LARP4: variants seen among roughly 807,000 people sequenced by gnomAD.
The protein encoded by LARP4 is La ribonucleoprotein 4.
LARP4 carries 29 observed loss-of-function variants against 92.9 expected under a neutral mutation model. That is an observed-to-expected ratio of 0.31 (90% CI 0.23 to 0.43). The LOEUF (loss-of-function observed/expected upper bound fraction) is 0.43. Ranked by LOEUF, LARP4 falls within the 20% of genes least tolerant of loss-of-function variation. LARP4 has a pLI of 1.00. For missense variants in LARP4, 732 were observed against 860.0 expected (o/e 0.85, Z 1.86); for synonymous variants, 279 against 284.1 (o/e 0.98, Z 0.18).
At position 50,441,582 on chromosome 12, in the gene LARP4, G is replaced by A. The variant is rs973730304; in HGVS notation, c.751-8G>A. 17 of 1,580,338 alleles carry A rather than the reference G, an allele frequency of 1.1e-5. No individual in the cohort carries two copies. Among genetic ancestry groups the A allele is most frequent in the Admixed American group, 1.9e-5 (1 of 51,376 alleles). On this transcript the variant is annotated splice_region_variant and splice_polypyrimidine_tract_variant and intron_variant, in intron 7 of 15. Transcript: ENST00000398473. The stretch of plus-strand genomic sequence containing the variant: ...CTAATGAAAGTTTTTTTTGTGCTTT[G>A]TTAACAGGCTTTTAAATACTTAAGA...
At chr12:50,414,468 T>G (rs920884959) in intron 1 of LARP4, among the ~76,000 whole-genome samples, 2 of 152,198 alleles carry the variant, frequency 1.3e-5, no homozygotes, top group African/African-American at 4.8e-5. Flanking sequence ...CATGCCTGGC[T>G]AATTCTTGTG....
chr12:50,454,631 A>G (rs1008250936), intron 10 of LARP4: 1 of 386,204 alleles, frequency 2.6e-6, no homozygotes, highest in African/African-American at 2.1e-5. Flanking sequence ...CTTGGGATTC[A>G]GATTTTTTTT....
Position 50,479,201 on chromosome 12 carries a change from T to A in LARP4, c.*3337T>A, listed in dbSNP as rs1169086795. On this transcript the variant is annotated 3_prime_UTR_variant, in exon 16 of 16. Transcript: ENST00000398473. Reference sequence around the variant, plus strand: ...GGCTTAAATGTCCACTGGTTTTACTTTGACACAGTTGAACAACACTGGGGT... The same window carrying A: ...GGCTTAAATGTCCACTGGTTTTACTATGACACAGTTGAACAACACTGGGGT... 6.6e-6 allele frequency: 1 copy of A among 152,610 alleles called. No homozygotes were observed. The highest frequency in any genetic ancestry group is 1.5e-5 in the Non-Finnish European group (1 of 68,024). 9.5% of individuals were successfully genotyped at this position (152,610 alleles called of 1,614,324 possible). A position where few individuals can be genotyped will look rare whatever the true frequency, so the allele number is the denominator to read the frequency against.
intron 1 of LARP4, among the ~76,000 whole-genome samples, chr12:50,409,538 A>G (rs967236678): frequency 1.3e-5 from 2 of 152,234 alleles, no homozygotes; most frequent in Admixed American, 1.3e-4. Flanking sequence ...AGGCTGGTGG[A>G]TCACTTGAGG....
chr12:50,443,484 C>G (rs1274467911), intron 8 of LARP4, among the ~76,000 whole-genome samples: 3 of 152,070 alleles, frequency 2.0e-5, no homozygotes, highest in African/African-American at 7.2e-5. Context: ...CTAGGCTGGT[C>G]TCAAACTCTT....
chr12:50,430,527 C>G lies in LARP4; in HGVS notation c.355C>G (p.Leu119Val). The G allele has an allele frequency of 1.9e-6, 3 of 1,608,048 alleles. No individual in the cohort carries two copies. The highest frequency in any genetic ancestry group is 2.6e-6 in the Non-Finnish European group (3 of 1,176,148). ...CAATTCAGCAGTTTCTACAGAAGACCTAAAAGAATGTCTGAAGAAACAATT... is the reference window on the plus strand; with the variant it reads ...CAATTCAGCAGTTTCTACAGAAGACGTAAAAGAATGTCTGAAGAAACAATT... ...ESNSAVSTED[L>V]KECLKKQLEF... is the part of the protein sequence containing the mutation. Residue 119 changes from leucine (L) to valine (V), a missense_variant, in exon 4 of 16, where the codon CTA becomes GTA. Around this residue, in one of 7 missense-constraint regions of LARP4, gnomAD observed 236 missense variants for 307.6 expected, o/e 0.77. Coordinates refer to ENST00000398473, the MANE Select transcript of LARP4 (RefSeq NM_052879.5).
Position 50,475,818 on chromosome 12 carries a change from G to C in LARP4, c.2129G>C (p.Arg710Pro). 1 of 1,614,052 alleles carries C rather than the reference G, an allele frequency of 6.2e-7. No homozygotes were observed. The highest frequency in any genetic ancestry group is 1.3e-5 in the African/African-American group (1 of 75,004). Reference protein sequence around the residue: ...SHRAIPQGVTRRNGKEQYVPP... With the variant: ...SHRAIPQGVTPRNGKEQYVPP... ...AGGGCTATACCTCAGGGAGTGACTC[G>C]ACGTAATGGCAAAGAGCAATATGTG... is the stretch of plus-strand genomic sequence containing the variant. Residue 710 changes from arginine to proline, a missense_variant, in exon 16 of 16, where the codon CGA becomes CCA. Arg to Pro is a moderately radical substitution (Grantham distance 103). Coordinates refer to ENST00000398473, the MANE Select transcript of LARP4 (RefSeq NM_052879.5).
At chr12:50,448,615 A>G (rs149586429) in intron 8 of LARP4, among the ~76,000 whole-genome samples, 3 of 152,020 alleles carry the variant, frequency 2.0e-5, no homozygotes, top group East Asian at 3.9e-4. Context: ...CCTCTGCCCC[A>G]CTGGGTTCAA....
intron 12 of LARP4, 144 bp from the exon 13 acceptor site, chr12:50,466,815 C>A: frequency 4.5e-6 from 3 of 663,286 alleles, no homozygotes; most frequent in Non-Finnish European, 4.9e-6. Context: ...GATGTCAAAC[C>A]AAGAATTTAT....
intron 1 of LARP4, among the ~76,000 whole-genome samples, chr12:50,426,646 T>C (rs1375341041): frequency 8.0e-5 from 12 of 150,330 alleles, no homozygotes; most frequent in African/African-American, 1.7e-4. Flanking sequence ...TCTCAAGATA[T>C]GAATGAACCT....
chr12:50,465,140 G>A (rs906603758), intron 12 of LARP4, among the ~76,000 whole-genome samples: 2 of 152,038 alleles, frequency 1.3e-5, no homozygotes, highest in Admixed American at 1.3e-4. Flanking sequence ...GGGAGGCCCC[G>A]GTGGGTGCAT....
chr12:50,428,644 A>G (rs1267822118), intron 2 of LARP4, among the ~76,000 whole-genome samples: 1 of 152,220 alleles, frequency 6.6e-6, no homozygotes, highest in Non-Finnish European at 1.5e-5. Flanking sequence ...AACAGAAGCA[A>G]TCTTAATTAC....
At chr12:50,475,462 T>C in intron 15 of LARP4, 64 bp from the exon 16 acceptor site, 1 of 1,359,402 alleles carries the variant, frequency 7.4e-7, no homozygotes, top group East Asian at 2.3e-5. Flanking sequence ...AACACAATCA[T>C]TTTTATACTT....
chr12:50,461,104 C>G, intron 10 of LARP4, 31 bp from the exon 11 acceptor site: 1 of 1,557,880 alleles, frequency 6.4e-7, no homozygotes, highest in Non-Finnish European at 8.9e-7. Context: ...CGATTTACTG[C>G]TTTGTGTATA....
intron 14 of LARP4, 59 bp from the exon 15 acceptor site, chr12:50,473,940 G>T: frequency 7.0e-7 from 1 of 1,435,956 alleles, no homozygotes; most frequent in Non-Finnish European, 9.6e-7. Context: ...CTTCTGATTA[G>T]TTGCTCAACT....
intron 1 of LARP4, among the ~76,000 whole-genome samples, chr12:50,413,384 T>C (rs1299370997): frequency 6.6e-6 from 1 of 152,168 alleles, no homozygotes; most frequent in African/African-American, 2.4e-5. Flanking sequence ...GATACTATCA[T>C]ACACAACTGA....
At position 50,477,759 on chromosome 12, in the gene LARP4, G is replaced by A. The variant is rs1957634020; in HGVS notation, c.*1895G>A. 1 of 152,308 alleles carries A rather than the reference G, an allele frequency of 6.6e-6. No individual in the cohort carries two copies. Among genetic ancestry groups the A allele is most frequent in the South Asian group, 2.1e-4 (1 of 4,818 alleles). The allele number at this position is 152,308 out of a possible 1,614,324, so 9.4% of individuals were successfully genotyped here. A position where few individuals can be genotyped will look rare whatever the true frequency, so the allele number is the denominator to read the frequency against. On this transcript the variant is annotated 3_prime_UTR_variant, in exon 16 of 16. Coordinates refer to ENST00000398473, the MANE Select transcript of LARP4 (RefSeq NM_052879.5). Reference sequence around the variant, plus strand: ...TTTCTACACACTATTTTTAAAAATTGCCTACTAGGTGAAACATAACAATAA... The same window carrying A: ...TTTCTACACACTATTTTTAAAAATTACCTACTAGGTGAAACATAACAATAA...
intron 8 of LARP4, among the ~76,000 whole-genome samples, chr12:50,450,565 A>G (rs1040738801): frequency 4.0e-5 from 6 of 151,884 alleles, no homozygotes; most frequent in Non-Finnish European, 8.8e-5. Context: ...TTCCCATATG[A>G]AAATCTCGGA....
chr12:50,406,166 T>C (rs1023281862), intron 1 of LARP4, among the ~76,000 whole-genome samples: 1 of 152,186 alleles, frequency 6.6e-6, no homozygotes, highest in East Asian at 1.9e-4. Context: ...TAATAACTCT[T>C]AAATAATTAA....
Sources: gnomAD v4.1 joint callset for allele counts (sites outside exome capture counted in the v4.1 genomes callset) on GRCh38, gnomAD v4.1.1 for gene constraint, gnomAD v4.1.1 regional missense constraint, MANE v1.5 for transcripts, NCBI Gene and HGNC (gene_info 2026-07-23, HGNC 2026-07-21) for gene names.